The following OR2L13 variants were observed in gnomAD, a reference collection of about 807,000 sequenced individuals.
The protein encoded by OR2L13 is olfactory receptor 2L13.
A neutral mutation model predicts 15.3 loss-of-function variants in OR2L13; 14 were observed. The ratio of observed to expected loss-of-function variants is 0.91; its 90% CI spans 0.60 to 1.43. The LOEUF (loss-of-function observed/expected upper bound fraction) is 1.43. OR2L13 is among the 40% of genes most tolerant of loss of function. OR2L13 has a pLI of 0.00. For missense variants in OR2L13, 367 were observed against 387.9 expected, an observed-to-expected ratio of 0.95 and a Z score of 0.45; for synonymous variants, 152 against 142.9, an observed-to-expected ratio of 1.06 and a Z score of -0.45.
At chr1:248,034,733 A>T in the OR2L13 span, among the ~76,000 whole-genome samples, 5 of 152,082 alleles carry the variant, frequency 3.3e-5, no homozygotes, top group Admixed American at 6.6e-5. Flanking sequence ...TTTCTTTCTG[A>T]TACTATTGTA....
At chr1:248,092,624 A>G (rs549495629), upstream of OR2L13, among the ~76,000 whole-genome samples, 4 of 152,224 alleles carry the variant, frequency 2.6e-5, no homozygotes, top group Non-Finnish European at 5.9e-5. Flanking sequence ...CCTGCCTCAC[A>G]GTCTTCTTAG....
the OR2L13 span, chr1:248,003,640 T>G: frequency 6.2e-7 from 1 of 1,610,970 alleles, no homozygotes; most frequent in East Asian, 2.2e-5. Context: ...ATTGCCCATC[T>G]AGGGTTATCA....
upstream of OR2L13, among the ~76,000 whole-genome samples, chr1:248,092,835 C>A (rs1196912703): frequency 2.6e-5 from 4 of 152,132 alleles, no homozygotes; most frequent in Admixed American, 6.5e-5. Flanking sequence ...TAATGAGTAA[C>A]TTCCATCTCT....
chr1:248,053,650 C>T, the OR2L13 span, among the ~76,000 whole-genome samples: 1 of 152,178 alleles, frequency 6.6e-6, no homozygotes, highest in South Asian at 2.1e-4. Context: ...AATTGCCATT[C>T]TGATCGGCAG....
chr1:248,001,464 A>G, the OR2L13 span, among the ~76,000 whole-genome samples: 3 of 152,116 alleles, frequency 2.0e-5, no homozygotes, highest in East Asian at 5.8e-4. Context: ...TAGTGAAAAG[A>G]AAGTAAAAGC....
At chr1:248,012,014 A>T in the OR2L13 span, among the ~76,000 whole-genome samples, 1 of 152,212 alleles carries the variant, frequency 6.6e-6, no homozygotes, top group East Asian at 1.9e-4. Flanking sequence ...GATAATTCAA[A>T]TGGACTGAAA....
upstream of OR2L13, among the ~76,000 whole-genome samples, chr1:248,092,855 A>T (rs1183298464): frequency 1.3e-5 from 2 of 152,174 alleles, no homozygotes; most frequent in Non-Finnish European, 2.9e-5. Flanking sequence ...TGCAGAAAGA[A>T]AAAGATGCTC....
chr1:248,081,877 T>G, the OR2L13 span, among the ~76,000 whole-genome samples: 1 of 152,250 alleles, frequency 6.6e-6, no homozygotes, highest in South Asian at 2.1e-4. Flanking sequence ...AGCAGGAAAC[T>G]CCTCTCATTT....
the OR2L13 span, among the ~76,000 whole-genome samples, chr1:248,017,015 C>T: frequency 2.6e-5 from 4 of 152,118 alleles, no homozygotes; most frequent in African/African-American, 9.7e-5. Context: ...ATAATGTTAT[C>T]GTTCCTTTCA....
chr1:248,045,792 G>T, the OR2L13 span: 1 of 152,332 alleles, frequency 6.6e-6, no homozygotes, highest in East Asian at 1.9e-4. Context: ...TAAATTGGCT[G>T]GTCGGAGTGT....
At chr1:248,005,222 T>C in the OR2L13 span, among the ~76,000 whole-genome samples, 23 of 152,148 alleles carry the variant, frequency 1.5e-4, no homozygotes, top group Non-Finnish European at 2.8e-4. Flanking sequence ...AATGCATATT[T>C]CAGGTGATGG....
chr1:247,951,789 A>G, the OR2L13 span, among the ~76,000 whole-genome samples: 1 of 152,226 alleles, frequency 6.6e-6, no homozygotes, highest in Non-Finnish European at 1.5e-5. Context: ...GAAAATAGGC[A>G]TCCCATCAGC....
intron 1 of OR2L13, among the ~76,000 whole-genome samples, chr1:248,097,993 C>A (rs1189832350): frequency 1.3e-5 from 2 of 152,188 alleles, no homozygotes; most frequent in Admixed American, 1.3e-4. Flanking sequence ...CAAATATTTG[C>A]TTGGAACTAA....
the OR2L13 span, among the ~76,000 whole-genome samples, chr1:248,033,917 A>C: frequency 6.6e-6 from 1 of 152,190 alleles, no homozygotes; most frequent in African/African-American, 2.4e-5. Flanking sequence ...GGGCATCCAA[A>C]TCAGTAAAGA....
chr1:248,031,447 A>G, the OR2L13 span, among the ~76,000 whole-genome samples: 2 of 152,238 alleles, frequency 1.3e-5, no homozygotes, highest in Non-Finnish European at 2.9e-5. Flanking sequence ...GAAGCAGGAC[A>G]GGCTTCTGCC....
At chr1:247,990,192 C>T in the OR2L13 span, 32 of 594,472 alleles carry the variant, frequency 5.4e-5, no homozygotes, top group African/African-American at 5.6e-4. Context: ...AAATGCATCC[C>T]CTGCAGATAA....
chr1:247,948,149 G>T, the OR2L13 span, among the ~76,000 whole-genome samples: 1 of 152,014 alleles, frequency 6.6e-6, no homozygotes, highest in Admixed American at 6.6e-5. Flanking sequence ...GAAGTTCAAG[G>T]CTGCAGTGAG....
chr1:248,022,735 C>T, the OR2L13 span: 2 of 1,613,988 alleles, frequency 1.2e-6, no homozygotes. Flanking sequence ...TGTCCAAGAT[C>T]CCTGCGATCT....
At chr1:248,035,319 G>C in the OR2L13 span, among the ~76,000 whole-genome samples, 1 of 152,048 alleles carries the variant, frequency 6.6e-6, no homozygotes, top group African/African-American at 2.4e-5. Flanking sequence ...CTTGGTGGCA[G>C]GTGCCTGTAG....
Sources: allele counts gnomAD v4.1 joint callset (sites outside exome capture counted in the v4.1 genomes callset), GRCh38; gene constraint gnomAD v4.1.1; transcripts MANE v1.5; gene names NCBI Gene and HGNC (gene_info 2026-07-23, HGNC 2026-07-21).